FSTL5: variants seen among roughly 807,000 people sequenced by gnomAD.
FSTL5 encodes the protein follistatin like 5, also known as follistatin-related protein 5.
A neutral mutation model predicts 89.1 loss-of-function variants in FSTL5; 62 were observed. That is an observed-to-expected ratio of 0.70 (90% confidence interval 0.57 to 0.86). The LOEUF is 0.86. Ranked by LOEUF, FSTL5 falls within the 40% of genes least tolerant of loss-of-function variation. FSTL5 has a pLI of 0.00. For synonymous variants in FSTL5, 383 were observed against 346.2 expected (o/e 1.11, Z -1.18); for missense variants, 1,057 against 1,001.6 (o/e 1.06, Z -0.75).
intron 6 of FSTL5, among the ~76,000 whole-genome samples, chr4:161,684,701 C>T (rs977754990): frequency 1.3e-5 from 2 of 152,092 alleles, no homozygotes; most frequent in African/African-American, 4.8e-5. Context: ...AAGATTTTCT[C>T]CTACTCTCTG....
At chr4:161,868,102 T>G (rs1297683463) in intron 4 of FSTL5, among the ~76,000 whole-genome samples, 1 of 151,506 alleles carries the variant, frequency 6.6e-6, no homozygotes, top group East Asian at 2.0e-4. Flanking sequence ...ATTAAATATG[T>G]AAATGTTTGA....
At chr4:161,434,980 C>T (rs556624688) in intron 15 of FSTL5, among the ~76,000 whole-genome samples, 26 of 152,074 alleles carry the variant, frequency 1.7e-4, no homozygotes, top group African/African-American at 6.3e-4. Flanking sequence ...AGTGGCAATG[C>T]AATTAGAAAA....
intron 15 of FSTL5, among the ~76,000 whole-genome samples, chr4:161,410,145 A>G (rs925723938): frequency 6.6e-6 from 1 of 151,774 alleles, no homozygotes; most frequent in African/African-American, 2.4e-5. Context: ...TGAAGATTAC[A>G]TAATGATAAA....
intron 5 of FSTL5, among the ~76,000 whole-genome samples, chr4:161,763,816 G>A (rs963212901): frequency 6.6e-6 from 1 of 152,054 alleles, no homozygotes; most frequent in Non-Finnish European, 1.5e-5. Context: ...AAAGACTAAA[G>A]GTAAGAAAAT....
chr4:161,488,257 T>C (rs1293021025), intron 12 of FSTL5, among the ~76,000 whole-genome samples: 1 of 152,088 alleles, frequency 6.6e-6, no homozygotes, highest in Non-Finnish European at 1.5e-5. Context: ...TAAGTAGTCT[T>C]TCTCATATTA....
chr4:161,595,946 C>T (rs1445659217), intron 7 of FSTL5, among the ~76,000 whole-genome samples: 4 of 151,912 alleles, frequency 2.6e-5, no homozygotes, highest in Admixed American at 6.6e-5. Flanking sequence ...TTTTGATATA[C>T]ACTGACATTA....
intron 8 of FSTL5, among the ~76,000 whole-genome samples, chr4:161,578,369 G>T (rs542108948): frequency 6.6e-6 from 1 of 151,892 alleles, no homozygotes; most frequent in African/African-American, 2.4e-5. Flanking sequence ...ACAGATAAAA[G>T]AAAAAATGTG....
chr4:161,997,528 TAC>T (rs1736330339), intron 3 of FSTL5, among the ~76,000 whole-genome samples: 1 of 151,910 alleles, frequency 6.6e-6, no homozygotes, highest in African/African-American at 2.4e-5. Context: ...ACAAATCAAA[TAC>T]ACCTTACTAC....
intron 2 of FSTL5, among the ~76,000 whole-genome samples, chr4:162,083,106 A>G (rs1730167580): frequency 6.6e-6 from 1 of 151,878 alleles, no homozygotes; most frequent in Non-Finnish European, 1.5e-5. Flanking sequence ...AAAATAGTTT[A>G]TAATAAGAAT....
chr4:161,980,764 C>CTTTTTTTT (rs34223215), intron 3 of FSTL5, among the ~76,000 whole-genome samples: 1 of 71,826 alleles, frequency 1.4e-5, no homozygotes, highest in African/African-American at 5.7e-5. Flanking sequence ...CTTCAAGTAA[C>CTTTTTTTT]TTTTTTTTTT....
At chr4:161,504,437 T>C (rs78747703) in intron 11 of FSTL5, among the ~76,000 whole-genome samples, 2,564 of 151,820 alleles carry the variant, frequency 0.017, 66 homozygotes, top group African/African-American at 0.058. Context: ...ACTCTAGACA[T>C]GGTAAAGATC....
chr4:161,420,395 G>A (rs1026588993), intron 15 of FSTL5, among the ~76,000 whole-genome samples: 3 of 152,214 alleles, frequency 2.0e-5, no homozygotes, highest in Admixed American at 1.3e-4. Context: ...AGGTGTGCAT[G>A]TGTGTCAGTG....
chr4:161,968,988 CACAT>C (rs1318551342), intron 3 of FSTL5, among the ~76,000 whole-genome samples: 1 of 151,310 alleles, frequency 6.6e-6, no homozygotes, highest in African/African-American at 2.4e-5. Flanking sequence ...CACACACACA[CACAT>C]GCCCAAGGCC....
chr4:161,425,689 C>T (rs1307860755), intron 15 of FSTL5, among the ~76,000 whole-genome samples: 1 of 152,102 alleles, frequency 6.6e-6, no homozygotes, highest in African/African-American at 2.4e-5. Flanking sequence ...TCTTAAGACC[C>T]TGGAGTTTGC....
chr4:161,864,598 G>A (rs1344968287), intron 4 of FSTL5, among the ~76,000 whole-genome samples: 2 of 152,120 alleles, frequency 1.3e-5, no homozygotes, highest in Non-Finnish European at 2.9e-5. Flanking sequence ...GAGGGCAGGT[G>A]TGGTGGCTCA....
rs118181728 is a variant in FSTL5 at position 161,420,283 on chromosome 4, A to G, written c.1842-33834T>C. Among the ~76,000 whole-genome samples, 27 of 152,364 alleles carry G rather than the reference A, an allele frequency of 1.8e-4. No individual in the cohort carries two copies. In the East Asian group the frequency reaches 5.2e-3, roughly 29 times the overall value. ...GAATGAGTAGTGGAAGAAGGTAGTT[A>G]TAAATACTAGCTACGGCCATGTGAC... On this transcript the variant is annotated intron_variant, in intron 15 of 15. Coordinates refer to ENST00000306100, the MANE Select transcript of FSTL5 (RefSeq NM_020116.5).
chr4:161,678,903 T>C (rs910296068), intron 6 of FSTL5, among the ~76,000 whole-genome samples: 1 of 151,766 alleles, frequency 6.6e-6, no homozygotes, highest in Non-Finnish European at 1.5e-5. Context: ...TTTATCTATA[T>C]ACGTAGGGTC....
At chr4:162,162,973 G>T (rs545289162) in intron 1 of FSTL5, among the ~76,000 whole-genome samples, 3 of 152,286 alleles carry the variant, frequency 2.0e-5, no homozygotes, top group African/African-American at 4.8e-5. Flanking sequence ...CCCCAACTTG[G>T]AAATACACAT....
chr4:161,547,435 C>T (rs1009252292), intron 8 of FSTL5, among the ~76,000 whole-genome samples: 9 of 151,804 alleles, frequency 5.9e-5, no homozygotes, highest in Non-Finnish European at 1.2e-4. Flanking sequence ...CTAATAAAAT[C>T]CCCAGCTTCT....
Sources: gnomAD v4.1 joint callset for allele counts (sites outside exome capture counted in the v4.1 genomes callset) on GRCh38, gnomAD v4.1.1 for gene constraint, MANE v1.5 for transcripts, NCBI Gene and HGNC (gene_info 2026-07-23, HGNC 2026-07-21) for gene names.